Variants in SUSD5 observed in about 807,000 individuals in gnomAD.
SUSD5 encodes sushi domain-containing protein 5.
Under a neutral mutation model 29.5 loss-of-function variants are expected in SUSD5, and 33 were observed. The observed-to-expected ratio is 1.12, with a 90% CI of 0.85 to 1.49. SUSD5 has a LOEUF of 1.49. Among genes scored for constraint, SUSD5 ranks in the 40% most tolerant of loss-of-function variants. SUSD5 has a pLI of 0.00. For missense variants in SUSD5, 776 were observed against 800.6 expected, an observed-to-expected ratio of 0.97 and a Z score of 0.37; for synonymous variants, 308 against 325.3, an observed-to-expected ratio of 0.95 and a Z score of 0.57.
intron 3 of SUSD5, among the ~76,000 whole-genome samples, chr3:33,184,769 G>C (rs1410064030): frequency 2.6e-5 from 4 of 152,070 alleles, no homozygotes; most frequent in Non-Finnish European, 5.9e-5. Context: ...CCTTAGAATT[G>C]CCACCTCTCT....
At chr3:33,213,663 A>G (rs947562995) in intron 2 of SUSD5, among the ~76,000 whole-genome samples, 33 of 151,640 alleles carry the variant, frequency 2.2e-4, no homozygotes, top group Non-Finnish European at 3.8e-4. Context: ...AATCCCAGCT[A>G]CTCGGGAGGC....
At chr3:33,163,391 T>C (rs1429833499) in intron 4 of SUSD5, among the ~76,000 whole-genome samples, 2 of 151,992 alleles carry the variant, frequency 1.3e-5, no homozygotes, top group African/African-American at 4.8e-5. Context: ...AAAAGAATAA[T>C]ACATTATACC....
At chr3:33,183,681 A>G (rs1249465938) in intron 3 of SUSD5, among the ~76,000 whole-genome samples, 2 of 152,050 alleles carry the variant, frequency 1.3e-5, no homozygotes, top group Non-Finnish European at 2.9e-5. Flanking sequence ...TCACTTATTT[A>G]TTCTCTGATG....
intron 3 of SUSD5, among the ~76,000 whole-genome samples, chr3:33,206,210 T>C (rs4234247): frequency 0.72 from 108,616 of 151,780 alleles, 39,006 homozygotes; most frequent in East Asian, 0.84. Context: ...CACGTCTCTA[T>C]TAAAAATACA....
Position 33,152,647 on chromosome 3 carries a change from C to T in SUSD5, c.*95G>A. On this transcript the variant is annotated 3_prime_UTR_variant, in exon 5 of 5. Transcript: ENST00000309558. ...GGGCTGAGGAAAAAATGATGAGCCT[C>T]AGTCCACCTGCGTCATGCTCTAGTG... The T allele has an allele frequency of 7.5e-7, 1 of 1,328,918 alleles. No homozygotes were observed. Among genetic ancestry groups the T allele is most frequent in the Non-Finnish European group, 1.0e-6 (1 of 980,580 alleles). The allele number at this position is 1,328,918 out of a possible 1,614,324, so 82.3% of individuals were successfully genotyped here. A position where few individuals can be genotyped will look rare whatever the true frequency, so the allele number is the denominator to read the frequency against.
chr3:33,162,320 T>C (rs898406609), intron 4 of SUSD5, among the ~76,000 whole-genome samples: 37 of 152,334 alleles, frequency 2.4e-4, no homozygotes, highest in Non-Finnish European at 4.6e-4. Context: ...GGGGAAGTTA[T>C]ACCTTTAAAT....
chr3:33,191,326 T>C (rs567930554), intron 3 of SUSD5, among the ~76,000 whole-genome samples: 11 of 152,144 alleles, frequency 7.2e-5, no homozygotes, highest in African/African-American at 2.4e-4. Context: ...GAGACAAGGT[T>C]TCACCGTGTT....
chr3:33,199,830 T>C (rs1040948230), intron 3 of SUSD5, among the ~76,000 whole-genome samples: 9 of 152,164 alleles, frequency 5.9e-5, no homozygotes, highest in African/African-American at 1.9e-4. Flanking sequence ...TTCATTGCCA[T>C]TGTAACAGTA....
intron 3 of SUSD5, among the ~76,000 whole-genome samples, chr3:33,201,105 A>G (rs547837113): frequency 1.3e-5 from 2 of 152,354 alleles, no homozygotes; most frequent in East Asian, 3.9e-4. Context: ...AAGGCAAATA[A>G]CAGACTGCTA....
chr3:33,207,844 C>T lies in SUSD5; in HGVS notation c.373G>A (p.Gly125Ser). The change falls in exon 3 of 5, where the codon GGT becomes AGT. Residue 125 changes from glycine to serine, a missense_variant. Physicochemically the swap from Gly to Ser is moderately conservative, Grantham distance 56. Coordinates refer to ENST00000309558, the MANE Select transcript of SUSD5 (RefSeq NM_015551.2). ...ATACAAAGGGCACTGTATGTGCCACCAGGAACTGGGTTGCTCTCAATTCTC... is the reference window on the plus strand; with the variant it reads ...ATACAAAGGGCACTGTATGTGCCACTAGGAACTGGGTTGCTCTCAATTCTC... ...DVRIESNPVP[G>S]GTYSALCIKD... is the part of the protein sequence containing the mutation. 6.2e-7 allele frequency: 1 copy of T among 1,613,922 alleles called. No individual in the cohort carries two copies. Among genetic ancestry groups the T allele is most frequent in the Middle Eastern group, 1.6e-4 (1 of 6,062 alleles).
intron 1 of SUSD5, 27 bp from the exon 2 acceptor site, chr3:33,214,132 G>T: frequency 6.4e-7 from 1 of 1,562,166 alleles, no homozygotes. Context: ...ACAAACACAT[G>T]TGGATTTCAG....
At position 33,153,140 on chromosome 3, in the gene SUSD5, A is replaced by G. The variant is rs767421342; in HGVS notation, c.1492T>C (p.Leu498=). The part of the protein sequence containing the change: ...YELTSSTLEI[L]TVNTVKQTPN... ...GTCTGCTTGACAGTGTTCACTGTTA[A>G]TATCTCCAGGGTGGAGCTGGTGAGC... The change falls in exon 5 of 5, where the codon TTA becomes CTA. Residue 498 remains leucine, a synonymous_variant. Coordinates refer to ENST00000309558, the MANE Select transcript of SUSD5 (RefSeq NM_015551.2). The G allele has an allele frequency of 1.2e-6, 2 of 1,613,858 alleles. No homozygotes were observed. The highest frequency in any genetic ancestry group is 1.7e-5 in the Admixed American group (1 of 60,008).
chr3:33,157,551 A>C (rs2031082668), intron 4 of SUSD5, among the ~76,000 whole-genome samples: 1 of 152,168 alleles, frequency 6.6e-6, no homozygotes, highest in South Asian at 2.1e-4. Context: ...AGACTGCAAT[A>C]ATGGCCACAA....
In SUSD5 at chr3:33,204,820, G is replaced by A. The variant is rs2032186818; in HGVS notation, c.409+2988C>T. On this transcript the variant is annotated intron_variant, in intron 3 of 4. Transcript: ENST00000309558. The surrounding 1 kb of genome is among the most constrained non-coding windows in gnomAD (Gnocchi z 4.5). ...GCACCACTACATCTGGCTACAGCCT[G>A]AGCTTTTTGAGATTTTAAAATTTTA... is the stretch of plus-strand genomic sequence containing the variant. 6.6e-6 allele frequency among the ~76,000 whole-genome samples: 1 copy of A among 152,066 alleles called. No individual in the cohort carries two copies. Among genetic ancestry groups the A allele is most frequent in the Non-Finnish European group, 1.5e-5 (1 of 68,000 alleles).
chr3:33,154,491 C>T (rs1417656488), intron 4 of SUSD5, among the ~76,000 whole-genome samples: 1 of 152,062 alleles, frequency 6.6e-6, no homozygotes, highest in Non-Finnish European at 1.5e-5. Context: ...CCACTGCACT[C>T]CAGCCTGGGT....
At chr3:33,169,432 G>A (rs2125618602) in intron 4 of SUSD5, among the ~76,000 whole-genome samples, 1 of 152,050 alleles carries the variant, frequency 6.6e-6, no homozygotes, top group East Asian at 1.9e-4. Context: ...TGTTGACCAG[G>A]CTGGTCTTGA....
intron 3 of SUSD5, among the ~76,000 whole-genome samples, chr3:33,203,600 C>T (rs1040711379): frequency 6.6e-6 from 1 of 152,206 alleles, no homozygotes; most frequent in African/African-American, 2.4e-5. Context: ...CAACAGGTGT[C>T]ACGGGAGCCT....
intron 2 of SUSD5, among the ~76,000 whole-genome samples, chr3:33,210,294 C>T (rs1395627839): frequency 2.0e-5 from 3 of 152,214 alleles, no homozygotes; most frequent in Non-Finnish European, 2.9e-5. Context: ...GAACAGTTCA[C>T]TGTACAGTGT....
chr3:33,218,385 G>A (rs1481423572), intron 1 of SUSD5, among the ~76,000 whole-genome samples: 1 of 152,234 alleles, frequency 6.6e-6, no homozygotes, highest in African/African-American at 2.4e-5. Context: ...GCACCTTAGA[G>A]GTGATTTCAT....
Sources: allele counts gnomAD v4.1 joint callset (sites outside exome capture counted in the v4.1 genomes callset), GRCh38; gene constraint gnomAD v4.1.1; non-coding constraint Gnocchi (gnomAD v3.1); transcripts MANE v1.5; gene names NCBI Gene and HGNC (gene_info 2026-07-23, HGNC 2026-07-21).